SLC24A3: variants seen among roughly 807,000 people sequenced by gnomAD.
SLC24A3 encodes solute carrier family 24 member 3.
Under a neutral mutation model 75.8 loss-of-function variants are expected in SLC24A3, and 28 were observed. The observed-to-expected ratio is 0.37, with a 90% CI of 0.27 to 0.51. SLC24A3 has a LOEUF of 0.51. Ranked by LOEUF, SLC24A3 falls within the 20% of genes least tolerant of loss-of-function variation. The probability of loss-of-function intolerance (pLI) is 0.94; values close to 1 mark genes in which losing one functional copy is unlikely to be tolerated. For synonymous variants in SLC24A3, 372 were observed against 334.1 expected (o/e 1.11, Z -1.24); for missense variants, 663 against 847.8 (o/e 0.78, Z 2.71).
Position 19,551,836 on chromosome 20 carries a change from G to A in SLC24A3, c.349-28164G>A, listed in dbSNP as rs566236529. 2.6e-5 allele frequency among the ~76,000 whole-genome samples: 4 copies of A among 152,102 alleles called. No individual in the cohort carries two copies. In the South Asian group the frequency reaches 6.2e-4, roughly 24 times the overall value. On this transcript the variant is annotated intron_variant, in intron 3 of 16. Transcript: ENST00000328041. ...TTCATCCTCCTTCCCTCCACTGCCC[G>A]GAGGACCAGGCAGGCTGCTCTCAGC... is the stretch of plus-strand genomic sequence containing the variant.
At chr20:19,692,861 T>TGGAG (rs11472290) in intron 12 of SLC24A3, among the ~76,000 whole-genome samples, 14,343 of 152,036 alleles carry the variant, frequency 0.094, 746 homozygotes, top group East Asian at 0.21. Flanking sequence ...AGAAGCCCAC[T>TGGAG]GGAGGTCTTC....
At position 19,720,975 on chromosome 20, in the gene SLC24A3, G is replaced by A. The variant is rs563747104; in HGVS notation, c.1786-16G>A. 6.2e-7 allele frequency: 1 copy of A among 1,613,168 alleles called. No individual in the cohort carries two copies. Among genetic ancestry groups the A allele is most frequent in the Non-Finnish European group, 8.5e-7 (1 of 1,179,782 alleles). ...CCTCCTCCTGGTGCCCTCTGAACCT[G>A]TTCTGTGCCCTGCAGGTGTTCGGCG... On this transcript the variant is annotated splice_polypyrimidine_tract_variant and intron_variant, in intron 16 of 16. Coordinates refer to ENST00000328041, the MANE Select transcript of SLC24A3 (RefSeq NM_020689.4).
chr20:19,222,730 C>CCTTCCTTCCCTCCCTCCCTCCTT (rs1450385170), intron 1 of SLC24A3, among the ~76,000 whole-genome samples: 1 of 151,570 alleles, frequency 6.6e-6, no homozygotes, highest in Non-Finnish European at 1.5e-5. Context: ...TTCCTTCCTT[C>CCTTCCTTCCCTCCCTCCCTCCTT]CTTCCTTCCC....
intron 1 of SLC24A3, among the ~76,000 whole-genome samples, chr20:19,227,870 A>G (rs967365049): frequency 1.3e-5 from 2 of 152,148 alleles, no homozygotes; most frequent in Non-Finnish European, 2.9e-5. Flanking sequence ...TGAATTTATA[A>G]TCCTTTACAT....
intron 2 of SLC24A3, among the ~76,000 whole-genome samples, chr20:19,414,478 T>C (rs1287874394): frequency 1.3e-5 from 2 of 152,208 alleles, no homozygotes; most frequent in African/African-American, 4.8e-5. Flanking sequence ...TTAAACATGG[T>C]ATGTGTGTAA....
chr20:19,507,971 G>T (rs1235922123), intron 2 of SLC24A3, among the ~76,000 whole-genome samples: 1 of 152,168 alleles, frequency 6.6e-6, no homozygotes, highest in African/African-American at 2.4e-5. Flanking sequence ...CTGTCCTCAG[G>T]GAGCTGAGCT....
chr20:19,486,643 A>G (rs1988131668), intron 2 of SLC24A3, among the ~76,000 whole-genome samples: 1 of 152,212 alleles, frequency 6.6e-6, no homozygotes, highest in African/African-American at 2.4e-5. Context: ...CTCCATCAAC[A>G]GCACTGACCT....
chr20:19,214,097 G>A (rs1981485233), intron 1 of SLC24A3, among the ~76,000 whole-genome samples: 1 of 152,194 alleles, frequency 6.6e-6, no homozygotes, highest in Admixed American at 6.5e-5. Flanking sequence ...AATTTAAAAA[G>A]GGATCTCCCC....
intron 2 of SLC24A3, among the ~76,000 whole-genome samples, chr20:19,326,377 C>G (rs1462692635): frequency 6.6e-6 from 1 of 151,984 alleles, no homozygotes; most frequent in African/African-American, 2.4e-5. Flanking sequence ...TGGGAGAGAA[C>G]TACGAGAATA....
intron 3 of SLC24A3, among the ~76,000 whole-genome samples, chr20:19,541,492 T>A (rs2030496886): frequency 6.6e-6 from 1 of 152,180 alleles, no homozygotes; most frequent in Non-Finnish European, 1.5e-5. Flanking sequence ...TGTCCCTCAG[T>A]TAGAACAGGT....
chr20:19,658,079 C>T (rs1366857022), intron 7 of SLC24A3, among the ~76,000 whole-genome samples: 4 of 151,996 alleles, frequency 2.6e-5, no homozygotes, highest in African/African-American at 7.2e-5. Flanking sequence ...TAAAGAGCTC[C>T]TTCACCCAGA....
chr20:19,293,692 G>A (rs1041377282), intron 2 of SLC24A3, among the ~76,000 whole-genome samples: 1 of 150,486 alleles, frequency 6.6e-6, no homozygotes, highest in Non-Finnish European at 1.5e-5. Flanking sequence ...TTTCCTTTAA[G>A]GATGCCCAAG....
chr20:19,523,232 G>A (rs544105562), intron 3 of SLC24A3, among the ~76,000 whole-genome samples: 2 of 152,182 alleles, frequency 1.3e-5, no homozygotes, highest in African/African-American at 4.8e-5. Flanking sequence ...AACCAGGGGG[G>A]TTTGAAATTT....
chr20:19,400,503 C>T (rs1160718281), intron 2 of SLC24A3, among the ~76,000 whole-genome samples: 3 of 152,152 alleles, frequency 2.0e-5, no homozygotes, highest in Non-Finnish European at 4.4e-5. Flanking sequence ...GCGCTGTGAC[C>T]TCTAACCTCT....
chr20:19,398,420 G>A (rs868329146), intron 2 of SLC24A3, among the ~76,000 whole-genome samples: 20 of 152,016 alleles, frequency 1.3e-4, no homozygotes, highest in African/African-American at 3.4e-4. Flanking sequence ...CATTTTTGAC[G>A]TTAAAAAGTG....
chr20:19,591,837 G>C (rs1600293666), intron 6 of SLC24A3, among the ~76,000 whole-genome samples: 1 of 152,194 alleles, frequency 6.6e-6, no homozygotes, highest in Non-Finnish European at 1.5e-5. Context: ...ATGATTACAG[G>C]ACAAAGCCTG....
chr20:19,513,362 C>T (rs6035363), intron 2 of SLC24A3, among the ~76,000 whole-genome samples: 2 of 152,230 alleles, frequency 1.3e-5, no homozygotes, highest in African/African-American at 4.8e-5. Flanking sequence ...CCTTGGGTTC[C>T]TCATCTACAG....
At chr20:19,245,141 G>A (rs1186078639) in intron 1 of SLC24A3, among the ~76,000 whole-genome samples, 1 of 152,124 alleles carries the variant, frequency 6.6e-6, no homozygotes, top group Admixed American at 6.5e-5. Flanking sequence ...GTGGGGCTGG[G>A]GGAGTCTTCT....
At chr20:19,592,917 T>C (rs1184859845) in intron 6 of SLC24A3, among the ~76,000 whole-genome samples, 1 of 150,960 alleles carries the variant, frequency 6.6e-6, no homozygotes, top group Non-Finnish European at 1.5e-5. Flanking sequence ...TGCCTCAGCC[T>C]CCCGAGTAGC....
Sources: allele counts gnomAD v4.1 joint callset (sites outside exome capture counted in the v4.1 genomes callset), GRCh38; gene constraint gnomAD v4.1.1; transcripts MANE v1.5; gene names NCBI Gene and HGNC (gene_info 2026-07-23, HGNC 2026-07-21).